MEMO1: variants seen among roughly 807,000 people sequenced by gnomAD.
The protein encoded by MEMO1 is protein MEMO1.
In MEMO1, 6 loss-of-function variants were observed where a neutral mutation model predicts 45.2. The observed-to-expected ratio is 0.13, with a 90% CI of 0.07 to 0.26. The LOEUF (loss-of-function observed/expected upper bound fraction) is 0.26. MEMO1 is among the 10% of genes least tolerant of loss of function. The pLI is 1.00. For synonymous variants in MEMO1, 78 were observed against 124.3 expected, an observed-to-expected ratio of 0.63 and a Z score of 2.48; for missense variants, 184 against 370.5, an observed-to-expected ratio of 0.50 and a Z score of 4.13.
chr2:31,889,168 C>T (rs1041921518), intron 7 of MEMO1, among the ~76,000 whole-genome samples: 3 of 152,148 alleles, frequency 2.0e-5, no homozygotes, highest in East Asian at 3.9e-4. Flanking sequence ...TAGAAATGAA[C>T]AGTGTAGTCA....
chr2:31,896,250 A>G (rs957738535), intron 6 of MEMO1, among the ~76,000 whole-genome samples: 3 of 152,210 alleles, frequency 2.0e-5, no homozygotes, highest in African/African-American at 7.2e-5. Context: ...AAATAAAAAT[A>G]AAAATAATAA....
At chr2:31,874,162 C>T (rs1674210285) in intron 8 of MEMO1, among the ~76,000 whole-genome samples, 1 of 152,078 alleles carries the variant, frequency 6.6e-6, no homozygotes, top group South Asian at 2.1e-4. Context: ...CATAATGAAA[C>T]ACTGGTCTAC....
At chr2:32,002,290 T>C (rs1572952083) in intron 2 of MEMO1, among the ~76,000 whole-genome samples, 2 of 145,962 alleles carry the variant, frequency 1.4e-5, no homozygotes, top group Non-Finnish European at 3.0e-5. Context: ...TGTACATATA[T>C]ACATATACAT....
chr2:31,985,378 T>G (rs532691514), intron 2 of MEMO1, among the ~76,000 whole-genome samples: 55 of 152,314 alleles, frequency 3.6e-4, no homozygotes, highest in African/African-American at 1.3e-3. Flanking sequence ...CAGGCTGGAG[T>G]GCAGTGGTGC....
intron 2 of MEMO1, among the ~76,000 whole-genome samples, chr2:31,979,579 T>C (rs1670402420): frequency 6.6e-6 from 1 of 152,162 alleles, no homozygotes; most frequent in Non-Finnish European, 1.5e-5. Context: ...CAGCACAATG[T>C]CAATGTACTT....
intron 2 of MEMO1, among the ~76,000 whole-genome samples, chr2:32,006,591 CAA>C (rs200802004): frequency 1.8e-4 from 13 of 70,496 alleles, no homozygotes; most frequent in Admixed American, 1.6e-4. Context: ...TGGACCTTAC[CAA>C]AAAAAAAAAA....
rs1572725290 is a variant in MEMO1 at position 31,933,348 on chromosome 2, AATTT to A, written c.144-1217_144-1214del. On this transcript the variant is annotated intron_variant, in intron 3 of 9. Coordinates refer to ENST00000404530, the MANE Select transcript of MEMO1 (RefSeq NM_001301833.4). The stretch of plus-strand genomic sequence containing the variant: ...AAAAAAAAAAAAAAAAAAAAAAAAA[AATTT>A]ATATATATATATATATATATATATA... 4.8e-3 allele frequency among the ~76,000 whole-genome samples: 78 copies of A among 16,176 alleles called. 2 individuals carry two copies. Among genetic ancestry groups the A allele is most frequent in the South Asian group, 0.012 (3 of 260 alleles). The allele number at this position is 16,176 out of a possible 152,430, so 10.6% of individuals were successfully genotyped here.
chr2:31,945,640 C>G (rs1453103677), intron 2 of MEMO1, among the ~76,000 whole-genome samples: 3 of 152,206 alleles, frequency 2.0e-5, no homozygotes, highest in African/African-American at 7.2e-5. Context: ...CTGCCTTTCT[C>G]AAGAACCTTA....
intron 6 of MEMO1, among the ~76,000 whole-genome samples, chr2:31,904,127 T>A (rs1350987666): frequency 2.0e-5 from 3 of 152,322 alleles, no homozygotes; most frequent in Admixed American, 2.0e-4. Flanking sequence ...GAAAGAGGCA[T>A]AGGAGCTTTA....
intron 6 of MEMO1, among the ~76,000 whole-genome samples, chr2:31,913,462 C>T (rs566709798): frequency 2.4e-4 from 36 of 147,152 alleles, no homozygotes; most frequent in African/African-American, 8.5e-4. Flanking sequence ...GAAATGAGTT[C>T]ATGACAAGAA....
chr2:31,955,019 T>A (rs1057082936), intron 2 of MEMO1, among the ~76,000 whole-genome samples: 1 of 151,792 alleles, frequency 6.6e-6, no homozygotes, highest in African/African-American at 2.4e-5. Context: ...AGAGGGAGGA[T>A]CACTTGAGCT....
intron 6 of MEMO1, among the ~76,000 whole-genome samples, chr2:31,893,007 A>G (rs961926687): frequency 1.3e-5 from 2 of 152,174 alleles, no homozygotes; most frequent in African/African-American, 4.8e-5. Flanking sequence ...TTGGTATTTT[A>G]GAAGCATGAA....
chr2:31,900,505 G>A (rs974430962), intron 6 of MEMO1, among the ~76,000 whole-genome samples: 2 of 151,896 alleles, frequency 1.3e-5, no homozygotes, highest in African/African-American at 2.4e-5. Flanking sequence ...CACAGGGAGG[G>A]AAACATCACA....
At chr2:31,953,454 A>C in intron 2 of MEMO1, among the ~76,000 whole-genome samples, 1 of 144,004 alleles carries the variant, frequency 6.9e-6, no homozygotes, top group Middle Eastern at 3.6e-3. Context: ...CTTTCATAAG[A>C]TTTTTTTTTT....
chr2:31,875,189 T>C (rs1674383002), intron 8 of MEMO1, among the ~76,000 whole-genome samples: 1 of 152,106 alleles, frequency 6.6e-6, no homozygotes, highest in Admixed American at 6.5e-5. Context: ...ATGAAGCAAA[T>C]ACTCAATATT....
intron 3 of MEMO1, among the ~76,000 whole-genome samples, chr2:31,938,677 G>A (rs1001868055): frequency 1.3e-5 from 2 of 151,168 alleles, no homozygotes; most frequent in Non-Finnish European, 3.0e-5. Context: ...TAAAAACTAA[G>A]AAAAGCAAGT....
At chr2:31,994,649 T>C (rs1484458756) in intron 2 of MEMO1, among the ~76,000 whole-genome samples, 1 of 150,970 alleles carries the variant, frequency 6.6e-6, no homozygotes, top group Non-Finnish European at 1.5e-5. Context: ...ATAATAATAA[T>C]AATAATAATA....
rs554639191 is a variant in MEMO1 at position 31,932,051 on chromosome 2, A to G, written c.212+16T>C. ...TCTCAAGCTTCTCCGACTTAAAACA[A>G]AACTACATTACTTACGTAATAGACG... is the stretch of plus-strand genomic sequence containing the variant. On this transcript the variant is annotated intron_variant, in intron 4 of 9. Coordinates refer to ENST00000404530, the MANE Select transcript of MEMO1 (RefSeq NM_001301833.4). 1 of 1,608,060 alleles carries G rather than the reference A, an allele frequency of 6.2e-7. No homozygotes were observed. Among genetic ancestry groups the G allele is most frequent in the South Asian group, 1.1e-5 (1 of 89,732 alleles).
chr2:31,915,869 C>T (rs1461753136), intron 6 of MEMO1, among the ~76,000 whole-genome samples: 5 of 152,160 alleles, frequency 3.3e-5, no homozygotes, highest in Middle Eastern at 6.8e-3. Flanking sequence ...CTAAGTTTTA[C>T]TAAGTTACTT....
Sources: gnomAD v4.1 joint callset for allele counts (sites outside exome capture counted in the v4.1 genomes callset) on GRCh38, gnomAD v4.1.1 for gene constraint, MANE v1.5 for transcripts, NCBI Gene and HGNC (gene_info 2026-07-23, HGNC 2026-07-21) for gene names.